The following WDFY2 variants were observed in gnomAD, a reference collection of about 807,000 sequenced individuals.
WDFY2 encodes the protein WD repeat and FYVE domain-containing protein 2.
WDFY2 carries 36 observed loss-of-function variants against 56.4 expected under a neutral mutation model. The observed-to-expected ratio is 0.64, with a 90% CI of 0.49 to 0.84. WDFY2 has a LOEUF of 0.84. Ranked by LOEUF, WDFY2 falls within the 40% of genes least tolerant of loss-of-function variation. The pLI is 0.00. For synonymous variants in WDFY2, 176 were observed against 183.7 expected (o/e 0.96, Z 0.34); for missense variants, 444 against 512.2 (o/e 0.87, Z 1.29).
Position 51,747,485 on chromosome 13 carries a change from A to G in WDFY2, c.726-3825A>G, listed in dbSNP as rs1420944102. Reference sequence around the variant, plus strand: ...ACAGTTATTCCCATTTACTCTTAACATAGTAACACATGAAACAAATGCAAT... The same window carrying G: ...ACAGTTATTCCCATTTACTCTTAACGTAGTAACACATGAAACAAATGCAAT... On this transcript the variant is annotated intron_variant, in intron 7 of 11. Transcript: ENST00000298125. 3.9e-5 allele frequency among the ~76,000 whole-genome samples: 6 copies of G among 152,372 alleles called. No homozygotes were observed. In the South Asian group the frequency reaches 8.3e-4, roughly 21 times the overall value.
At chr13:51,727,508 A>C (rs943508916) in intron 5 of WDFY2, among the ~76,000 whole-genome samples, 170 bp from the exon 6 acceptor site, 1 of 152,226 alleles carries the variant, frequency 6.6e-6, no homozygotes, top group Non-Finnish European at 1.5e-5. Flanking sequence ...ACTGTCCAAT[A>C]ATACAGTATG....
At chr13:51,710,161 A>G (rs1231946154) in intron 4 of WDFY2, among the ~76,000 whole-genome samples, 1 of 152,240 alleles carries the variant, frequency 6.6e-6, no homozygotes, top group African/African-American at 2.4e-5. Flanking sequence ...GTAATCCATC[A>G]TATAAACAGA....
chr13:51,600,434 G>A (rs1954251561), intron 1 of WDFY2, among the ~76,000 whole-genome samples: 1 of 152,186 alleles, frequency 6.6e-6, no homozygotes, highest in South Asian at 2.1e-4. Context: ...ATCGGTTTCT[G>A]TGTATCTGCC....
At chr13:51,709,379 G>A (rs933791014) in intron 4 of WDFY2, among the ~76,000 whole-genome samples, 2 of 152,204 alleles carry the variant, frequency 1.3e-5, no homozygotes, top group African/African-American at 4.8e-5. Context: ...TGGGACAGGT[G>A]CAGTGGTTCA....
intron 6 of WDFY2, among the ~76,000 whole-genome samples, chr13:51,736,367 C>T (rs1488282626): frequency 1.3e-5 from 2 of 152,208 alleles, no homozygotes; most frequent in African/African-American, 4.8e-5. Flanking sequence ...AGACTAGATT[C>T]TGGTTCCAGA....
At chr13:51,611,750 C>A (rs1224422932) in intron 1 of WDFY2, among the ~76,000 whole-genome samples, 1 of 152,086 alleles carries the variant, frequency 6.6e-6, no homozygotes, top group Non-Finnish European at 1.5e-5. Context: ...GCATGAGACC[C>A]AGTTCTGGCC....
intron 6 of WDFY2, among the ~76,000 whole-genome samples, chr13:51,735,237 C>G (rs1182453869): frequency 6.6e-6 from 1 of 152,242 alleles, no homozygotes; most frequent in Admixed American, 6.5e-5. Context: ...CTATTTCTCT[C>G]TGCCACTCAA....
At chr13:51,756,290 G>A (rs775272761) in intron 9 of WDFY2, 42 bp from the exon 10 acceptor site, 1 of 1,583,354 alleles carries the variant, frequency 6.3e-7, no homozygotes. Context: ...CTCAGGAGCT[G>A]AGGGAGCCGT....
chr13:51,726,679 A>G (rs1413444522), intron 5 of WDFY2, among the ~76,000 whole-genome samples: 1 of 152,206 alleles, frequency 6.6e-6, no homozygotes, highest in African/African-American at 2.4e-5. Context: ...CCAAAATCCA[A>G]ATTCCCAGAC....
intron 4 of WDFY2, among the ~76,000 whole-genome samples, chr13:51,714,089 T>C (rs531705302): frequency 1.3e-5 from 2 of 152,160 alleles, no homozygotes; most frequent in East Asian, 3.9e-4. Flanking sequence ...AACTGTATAC[T>C]TCAGTTGTAA....
Position 51,660,609 on chromosome 13 carries a change from TG to T in WDFY2, c.153del (p.Trp51CysfsTer2). ...CTTCTGTTGTAGGACAGTTCGTGTT[TG>T]GTTAAAGAGAGACAGTGGACAGTAT... ...SVSEDRTVRV[W>X]LKRDSGQYWP... is the part of the protein sequence containing the mutation. On this transcript the variant is annotated frameshift_variant, in exon 2 of 12. Transcript: ENST00000298125. LOFTEE classifies it high-confidence loss of function. 1 of 1,613,940 alleles carries T rather than the reference TG, an allele frequency of 6.2e-7. No homozygotes were observed. Among genetic ancestry groups the T allele is most frequent in the African/African-American group, 1.3e-5 (1 of 75,034 alleles).
rs572283154 is a variant in WDFY2, at chr13:51,667,698, A to C, written c.205+7035A>C. 1.6e-4 allele frequency among the ~76,000 whole-genome samples: 24 copies of C among 152,194 alleles called. No homozygotes were observed. The South Asian group carries it at 5.0e-3, about 32-fold the overall frequency. On this transcript the variant is annotated intron_variant, in intron 2 of 11. Coordinates refer to ENST00000298125, the MANE Select transcript of WDFY2 (RefSeq NM_052950.4). ...TTTAATTTATACCTTACTTCAAAAA[A>C]ACCTCTGGGTTCCTGGTTGTGAAAT... is the stretch of plus-strand genomic sequence containing the variant.
chr13:51,658,663 T>C (rs888287030), intron 1 of WDFY2, among the ~76,000 whole-genome samples: 5 of 152,202 alleles, frequency 3.3e-5, no homozygotes, highest in East Asian at 3.8e-4. Context: ...TGTATTAACA[T>C]GTATTGTAAA....
rs568316639 is a variant in WDFY2 at position 51,670,368 on chromosome 13, T to C, written c.206-4802T>C. Reference sequence around the variant, plus strand: ...AACAAATCGAGGCATCAATATTCTTTTGAATCGGCTCTCTGCTTCTTTGAT... The same window carrying C: ...AACAAATCGAGGCATCAATATTCTTCTGAATCGGCTCTCTGCTTCTTTGAT... On this transcript the variant is annotated intron_variant, in intron 2 of 11. Coordinates refer to ENST00000298125, the MANE Select transcript of WDFY2 (RefSeq NM_052950.4). 7.2e-5 allele frequency among the ~76,000 whole-genome samples: 11 copies of C among 152,276 alleles called. No individual in the cohort carries two copies. In the South Asian group the frequency reaches 2.3e-3, roughly 32 times the overall value.
intron 1 of WDFY2, among the ~76,000 whole-genome samples, chr13:51,614,162 G>A (rs1356914989): frequency 4.7e-5 from 7 of 148,624 alleles, no homozygotes; most frequent in Admixed American, 4.7e-4. Flanking sequence ...CCCCAGCCTG[G>A]GCGACAGTGC....
intron 2 of WDFY2, among the ~76,000 whole-genome samples, chr13:51,668,173 C>T (rs1955746756): frequency 1.3e-5 from 2 of 152,030 alleles, no homozygotes; most frequent in South Asian, 4.2e-4. Context: ...GCCACCGCAC[C>T]CGGCCCGGAA....
intron 2 of WDFY2, among the ~76,000 whole-genome samples, chr13:51,672,470 C>T (rs939065973): frequency 4.6e-5 from 7 of 152,004 alleles, no homozygotes; most frequent in East Asian, 1.9e-4. Context: ...AGTTTGAAGT[C>T]GGGTAATGTG....
intron 1 of WDFY2, among the ~76,000 whole-genome samples, chr13:51,598,941 G>A (rs1158145514): frequency 6.0e-5 from 8 of 133,774 alleles, no homozygotes; most frequent in African/African-American, 1.4e-4. Context: ...ACAGAGTCTC[G>A]CTCTGTCACC....
chr13:51,628,240 C>T (rs982994565), intron 1 of WDFY2, among the ~76,000 whole-genome samples: 3 of 152,244 alleles, frequency 2.0e-5, no homozygotes, highest in South Asian at 2.1e-4. Context: ...CTGAGCTCCT[C>T]AGTGCCCAAA....
Sources: allele counts gnomAD v4.1 joint callset (sites outside exome capture counted in the v4.1 genomes callset), GRCh38; gene constraint gnomAD v4.1.1; transcripts MANE v1.5; gene names NCBI Gene and HGNC (gene_info 2026-07-23, HGNC 2026-07-21).